Variants in VCF2 observed in about 807,000 individuals in gnomAD.
The protein encoded by VCF2 is protein VCF2.
At chrX:55,157,020 C>T in the VCF2 span, among the ~76,000 whole-genome samples, 43 of 112,272 alleles carry the variant, frequency 3.8e-4, no homozygotes, top group African/African-American at 1.4e-3. Flanking sequence ...AAGCTTGTTC[C>T]TCCATTTTGA....
At chrX:55,145,608 T>C in the VCF2 span, 1 of 756,312 alleles carries the variant, frequency 1.3e-6, no homozygotes, top group Non-Finnish European at 1.6e-6. Flanking sequence ...TGGCTTTGCA[T>C]ATTTGGGAAT....
the VCF2 span, chrX:55,159,319 G>T: frequency 1.4e-6 from 1 of 692,273 alleles, no homozygotes; most frequent in South Asian, 3.6e-5. Context: ...ATACATATAT[G>T]AGAACTTGTC....
the VCF2 span, among the ~76,000 whole-genome samples, chrX:55,156,383 A>G: frequency 8.9e-6 from 1 of 112,261 alleles, no homozygotes; most frequent in Admixed American, 9.5e-5. Flanking sequence ...CTGGAATAAT[A>G]ATATGATGCT....
At chrX:55,152,413 CATG>C in the VCF2 span, among the ~76,000 whole-genome samples, 8 of 111,601 alleles carry the variant, frequency 7.2e-5, no homozygotes, top group South Asian at 3.8e-4. Context: ...TGTCATAGAA[CATG>C]ATACTTCACA....
chrX:55,157,122 C>T, the VCF2 span, among the ~76,000 whole-genome samples: 40 of 112,621 alleles, frequency 3.6e-4, no homozygotes, highest in African/African-American at 4.5e-4. Context: ...TGTTCAACAA[C>T]GATTTCATCC....
chrX:55,144,651 A>G, the VCF2 span, among the ~76,000 whole-genome samples: 1 of 111,802 alleles, frequency 8.9e-6, no homozygotes, highest in Non-Finnish European at 1.9e-5. Flanking sequence ...GTTCATTTTC[A>G]TATGTTAATT....
the VCF2 span, among the ~76,000 whole-genome samples, chrX:55,149,899 G>T: frequency 6.3e-5 from 7 of 111,575 alleles, no homozygotes; most frequent in Non-Finnish European, 9.4e-5. Flanking sequence ...AAAAACTTTT[G>T]TCTTTCTTTG....
chrX:55,156,256 A>G, the VCF2 span, among the ~76,000 whole-genome samples: 3 of 111,409 alleles, frequency 2.7e-5, no homozygotes, highest in Admixed American at 2.9e-4. Context: ...CTGGCCCAGT[A>G]TTTTACTTTC....
At chrX:55,143,546 T>C in the VCF2 span, 1 of 249,913 alleles carries the variant, frequency 4.0e-6, no homozygotes, top group South Asian at 1.3e-4. Context: ...TTTATAGCTT[T>C]CTTGGGGAAG....
At chrX:55,153,805 A>G in the VCF2 span, among the ~76,000 whole-genome samples, 1 of 112,516 alleles carries the variant, frequency 8.9e-6, no homozygotes, top group African/African-American at 3.2e-5. Context: ...ACTTCAAAGC[A>G]AAGACTTAAA....
the VCF2 span, chrX:55,146,251 C>T: frequency 8.3e-7 from 1 of 1,211,405 alleles, no homozygotes; most frequent in East Asian, 3.0e-5. Flanking sequence ...CCTTCTGGTC[C>T]ACTTGCTCTC....
chrX:55,160,885 C>T, the VCF2 span: 1 of 1,157,149 alleles, frequency 8.6e-7, no homozygotes, highest in Non-Finnish European at 1.1e-6. Context: ...CCAGCATGTT[C>T]TTTCGGAGAA....
chrX:55,154,343 T>C, the VCF2 span, among the ~76,000 whole-genome samples: 24 of 112,200 alleles, frequency 2.1e-4, no homozygotes, highest in African/African-American at 7.8e-4. Flanking sequence ...ACCATCCTCC[T>C]GAATCCTCAT....
At chrX:55,159,157 G>A in the VCF2 span, 11 of 1,206,571 alleles carry the variant, frequency 9.1e-6, no homozygotes, top group Admixed American at 4.4e-5. Context: ...CTGAAAGATA[G>A]GGTTTCTCTT....
At chrX:55,148,810 C>T in the VCF2 span, among the ~76,000 whole-genome samples, 1 of 111,400 alleles carries the variant, frequency 9.0e-6, no homozygotes, top group Non-Finnish European at 1.9e-5. Context: ...ATTTGTTTAA[C>T]CCAATTTTCA....
the VCF2 span, among the ~76,000 whole-genome samples, chrX:55,151,283 C>T: frequency 8.9e-6 from 1 of 112,175 alleles, no homozygotes; most frequent in African/African-American, 3.2e-5. Context: ...CTTATAGAGC[C>T]AATAAAATCC....
the VCF2 span, chrX:55,160,818 C>A: frequency 8.7e-7 from 1 of 1,153,902 alleles, no homozygotes; most frequent in Non-Finnish European, 1.1e-6. Context: ...TCGCGAGGGA[C>A]CACATCCCCA....
the VCF2 span, among the ~76,000 whole-genome samples, chrX:55,147,599 G>T: frequency 9.5e-6 from 1 of 105,382 alleles, no homozygotes; most frequent in East Asian, 3.0e-4. Context: ...GAAACCCACA[G>T]CTGACAATTC....
the VCF2 span, among the ~76,000 whole-genome samples, chrX:55,160,069 T>C: frequency 8.9e-6 from 1 of 112,178 alleles, no homozygotes; most frequent in South Asian, 3.7e-4. Flanking sequence ...GAGTACTGAG[T>C]ACAAAATGCC....
Sources: gnomAD v4.1 joint callset for allele counts (sites outside exome capture counted in the v4.1 genomes callset) on GRCh38, gnomAD v4.1.1 for gene constraint, MANE v1.5 for transcripts, NCBI Gene and HGNC (gene_info 2026-07-23, HGNC 2026-07-21) for gene names.